CREB5: variants seen among roughly 807,000 people sequenced by gnomAD.
CREB5 encodes cyclic AMP-responsive element-binding protein 5.
A neutral mutation model predicts 57.1 loss-of-function variants in CREB5; 19 were observed. The observed-to-expected ratio is 0.33, with a 90% confidence interval of 0.23 to 0.49. The LOEUF (loss-of-function observed/expected upper bound fraction) is 0.49, where lower values mean the gene tolerates loss of function less well. CREB5 is among the 20% of genes least tolerant of loss of function. The pLI is 0.99. For missense variants in CREB5, 579 were observed against 671.6 expected (o/e 0.86, Z 1.52); for synonymous variants, 238 against 238.3 (o/e 1.00, Z 0.01).
At chr7:28,328,662 C>A (rs1390762796) in intron 1 of CREB5, among the ~76,000 whole-genome samples, 2 of 152,198 alleles carry the variant, frequency 1.3e-5, no homozygotes, top group Non-Finnish European at 2.9e-5. Flanking sequence ...ATATGTATAG[C>A]CATATACCGT....
At chr7:28,335,996 T>C (rs1325816803) in intron 1 of CREB5, among the ~76,000 whole-genome samples, 1 of 152,120 alleles carries the variant, frequency 6.6e-6, no homozygotes, top group Non-Finnish European at 1.5e-5. Context: ...TGATGTATCA[T>C]GTTGATTGAT....
At chr7:28,753,520 T>C (rs574426805) in intron 7 of CREB5, among the ~76,000 whole-genome samples, 5 of 152,194 alleles carry the variant, frequency 3.3e-5, no homozygotes, top group Non-Finnish European at 5.9e-5. Context: ...TCTTCTTATA[T>C]TAACAACAGG....
chr7:28,483,869 C>T (rs946871677), intron 1 of CREB5, among the ~76,000 whole-genome samples: 1 of 152,210 alleles, frequency 6.6e-6, no homozygotes. Flanking sequence ...CTGGCCATAA[C>T]TGTCAACAGG....
upstream of CREB5, among the ~76,000 whole-genome samples, chr7:28,411,397 G>A (rs1787794000): frequency 6.6e-6 from 1 of 152,164 alleles, no homozygotes; most frequent in African/African-American, 2.4e-5. Flanking sequence ...TGCTGCGTGC[G>A]TTAGTTTCTA....
chr7:28,704,073 C>T (rs1299778988), intron 5 of CREB5, among the ~76,000 whole-genome samples: 2 of 152,186 alleles, frequency 1.3e-5, no homozygotes, highest in African/African-American at 2.4e-5. Flanking sequence ...CAGTTTAAAC[C>T]TAGTCCCAAT....
intron 4 of CREB5, among the ~76,000 whole-genome samples, chr7:28,508,696 C>T (rs987365420): frequency 6.6e-6 from 1 of 152,108 alleles, no homozygotes; most frequent in African/African-American, 2.4e-5. Flanking sequence ...TTGTATTTAG[C>T]CTGTATGGCT....
intron 1 of CREB5, among the ~76,000 whole-genome samples, chr7:28,334,791 C>G (rs930317603): frequency 2.0e-5 from 3 of 152,156 alleles, no homozygotes; most frequent in Non-Finnish European, 2.9e-5. Flanking sequence ...GTCCAATGTC[C>G]TGGAGAGTTT....
intron 5 of CREB5, among the ~76,000 whole-genome samples, chr7:28,680,688 G>A (rs935028667): frequency 1.3e-5 from 2 of 151,696 alleles, no homozygotes; most frequent in Admixed American, 6.6e-5. Context: ...GAGCCCAGGA[G>A]GTCAAGGCTA....
At chr7:28,550,413 T>C (rs1230660435) in intron 4 of CREB5, among the ~76,000 whole-genome samples, 1 of 152,194 alleles carries the variant, frequency 6.6e-6, no homozygotes, top group African/African-American at 2.4e-5. Flanking sequence ...GAATTGGGAA[T>C]GGAGCAATGC....
intron 7 of CREB5, among the ~76,000 whole-genome samples, chr7:28,735,841 G>C (rs567856746): frequency 1.3e-5 from 2 of 149,734 alleles, no homozygotes; most frequent in Admixed American, 6.6e-5. Context: ...ATTTTGTTCT[G>C]TTATCCCTGC....
At chr7:28,486,355 G>A (rs1304839197) in intron 1 of CREB5, among the ~76,000 whole-genome samples, 1 of 151,856 alleles carries the variant, frequency 6.6e-6, no homozygotes, top group Non-Finnish European at 1.5e-5. Context: ...ATTGGTTTTG[G>A]TTGAAAGATA....
intron 5 of CREB5, among the ~76,000 whole-genome samples, chr7:28,663,497 C>T (rs1056219240): frequency 3.9e-5 from 6 of 152,156 alleles, no homozygotes; most frequent in African/African-American, 1.4e-4. Context: ...TGAGCCACCG[C>T]ACTCGGCCAG....
chr7:28,436,957 A>G (rs1188957936), intron 1 of CREB5, among the ~76,000 whole-genome samples: 1 of 152,136 alleles, frequency 6.6e-6, no homozygotes, highest in Admixed American at 6.5e-5. Flanking sequence ...CAAATGATGA[A>G]AAGCCCCTGG....
At chr7:28,376,382 C>T (rs1786826957) in intron 1 of CREB5, among the ~76,000 whole-genome samples, 1 of 151,266 alleles carries the variant, frequency 6.6e-6, no homozygotes, top group Non-Finnish European at 1.5e-5. Flanking sequence ...GATTCTCCTG[C>T]CTCAGCCTCC....
At chr7:28,376,267 A>C (rs951149437) in intron 1 of CREB5, among the ~76,000 whole-genome samples, 12 of 142,148 alleles carry the variant, frequency 8.4e-5, no homozygotes, top group Non-Finnish European at 1.7e-4. Context: ...CTTCCAGAGA[A>C]GTACTTTTTT....
At chr7:28,550,546 C>T (rs1045717817) in intron 4 of CREB5, among the ~76,000 whole-genome samples, 2 of 152,190 alleles carry the variant, frequency 1.3e-5, no homozygotes, top group African/African-American at 4.8e-5. Flanking sequence ...AGCCTCTTCT[C>T]TCTTCCCCGA....
At chr7:28,531,302 G>T (rs1307557362) in intron 4 of CREB5, among the ~76,000 whole-genome samples, 1 of 152,124 alleles carries the variant, frequency 6.6e-6, no homozygotes, top group Non-Finnish European at 1.5e-5. Context: ...CAAGGTGTTG[G>T]CAAGGCTGAT....
chr7:28,823,203 T>C lies in CREB5; in HGVS notation c.*3924T>C, dbSNP rs1226583259. 6.6e-6 allele frequency: 1 copy of C among 152,602 alleles called. No homozygotes were observed. The highest frequency in any genetic ancestry group is 1.5e-5 in the Non-Finnish European group (1 of 68,028). 9.5% of individuals were successfully genotyped at this position (152,602 alleles called of 1,614,324 possible). ...TATAAAACTAGCCATCCAGTTAGGA[T>C]AGAATGTGTTTCTTTCTGGTTAAAA... On this transcript the variant is annotated 3_prime_UTR_variant, in exon 11 of 11. Transcript: ENST00000357727.
intron 5 of CREB5, among the ~76,000 whole-genome samples, chr7:28,716,135 CTAATTTTTTT>C (rs1308421407): frequency 6.6e-6 from 1 of 151,984 alleles, no homozygotes; most frequent in Non-Finnish European, 1.5e-5. Context: ...AATTTTTTCT[CTAATTTTTTT>C]TAATTTTTAT....
Sources: allele counts gnomAD v4.1 joint callset (sites outside exome capture counted in the v4.1 genomes callset), GRCh38; gene constraint gnomAD v4.1.1; transcripts MANE v1.5; gene names NCBI Gene and HGNC (gene_info 2026-07-23, HGNC 2026-07-21).